EML1: variants seen among roughly 807,000 people sequenced by gnomAD.
EML1 encodes the protein echinoderm microtubule-associated protein-like 1.
A neutral mutation model predicts 110.4 loss-of-function variants in EML1; 27 were observed. The ratio of observed to expected loss-of-function variants is 0.24; its 90% CI spans 0.18 to 0.34. The LOEUF is 0.34. EML1 is among the 10% of genes least tolerant of loss of function. EML1 has a pLI of 1.00. For missense variants in EML1, 741 were observed against 1,030.9 expected, an observed-to-expected ratio of 0.72 and a Z score of 3.85; for synonymous variants, 344 against 385.8, an observed-to-expected ratio of 0.89 and a Z score of 1.27.
chr14:99,886,836 G>A (rs1427488437), intron 4 of EML1, among the ~76,000 whole-genome samples: 3 of 152,208 alleles, frequency 2.0e-5, no homozygotes, highest in East Asian at 1.9e-4. Flanking sequence ...TGGACACGTC[G>A]TCCACTGGAC....
intron 1 of EML1, among the ~76,000 whole-genome samples, chr14:99,746,317 T>G (rs1477977084): frequency 6.6e-6 from 1 of 152,034 alleles, no homozygotes; most frequent in Non-Finnish European, 1.5e-5. Context: ...GGCGGTGGCT[T>G]GGGGGAAGGG....
chr14:99,883,101 T>C (rs911914), intron 4 of EML1: 136,770 of 152,352 alleles, frequency 0.9, 61,434 homozygotes, highest in East Asian at 0.99. Flanking sequence ...GCTGGGGCTC[T>C]GGGCCCTTCA....
chr14:99,757,338 CAAAAAAA>C (rs565061924), intron 1 of EML1, among the ~76,000 whole-genome samples: 1 of 96,336 alleles, frequency 1.0e-5, no homozygotes, highest in Non-Finnish European at 2.3e-5. Flanking sequence ...GACTCCATTT[CAAAAAAA>C]AAAAAAAAAG....
At chr14:99,926,564 C>T (rs1470412627) in intron 17 of EML1, among the ~76,000 whole-genome samples, 1 of 151,834 alleles carries the variant, frequency 6.6e-6, no homozygotes, top group African/African-American at 2.4e-5. Flanking sequence ...CGATTATAGG[C>T]ATAAGCCACT....
intron 16 of EML1, among the ~76,000 whole-genome samples, chr14:99,919,493 A>G (rs2060095240): frequency 6.6e-6 from 1 of 151,062 alleles, no homozygotes; most frequent in South Asian, 2.1e-4. Context: ...TCTTTGAGAC[A>G]GGTAAACCTT....
chr14:99,818,938 A>G (rs2058215571), intron 1 of EML1, among the ~76,000 whole-genome samples: 1 of 152,120 alleles, frequency 6.6e-6, no homozygotes. Flanking sequence ...TGCTTTTCAA[A>G]TTAATTTAAT....
At chr14:99,881,181 G>C (rs1221942407) in intron 4 of EML1, among the ~76,000 whole-genome samples, 1 of 152,224 alleles carries the variant, frequency 6.6e-6, no homozygotes, top group East Asian at 1.9e-4. Context: ...AGGAAGGCTA[G>C]TTAGGGTGCA....
chr14:99,940,119 C>T lies in EML1; in HGVS notation c.*7C>T. The T allele has an allele frequency of 6.4e-7, 1 of 1,560,876 alleles. No individual in the cohort carries two copies. Among genetic ancestry groups the T allele is most frequent in the Non-Finnish European group, 8.7e-7 (1 of 1,154,560 alleles). The stretch of plus-strand genomic sequence containing the variant: ...GCAGTGGCGCGTCATTTAGTACCCA[C>T]CGAGAGCTGTGGGGAGCAGCATGGG... On this transcript the variant is annotated 3_prime_UTR_variant, in exon 22 of 22. Coordinates refer to ENST00000262233, the MANE Select transcript of EML1 (RefSeq NM_004434.3).
chr14:99,751,724 G>A (rs1351794314), intron 1 of EML1, among the ~76,000 whole-genome samples: 1 of 152,168 alleles, frequency 6.6e-6, no homozygotes, highest in Non-Finnish European at 1.5e-5. Context: ...CAAAGGCCCT[G>A]AGTTGAGAGT....
At chr14:99,935,947 T>A in intron 17 of EML1, 82 bp from the exon 18 acceptor site, 1 of 1,300,160 alleles carries the variant, frequency 7.7e-7, no homozygotes, top group Non-Finnish European at 1.1e-6. Context: ...TCTAAATCTG[T>A]GGTGGCAGCT....
rs555923607 is a variant in EML1, at chr14:99,814,302, G to A, written c.67+20759G>A. Reference sequence around the variant, plus strand: ...TAAATTTTTTTAGGGACCAGATCTCGCTTTGTCACTCAGGCTGGAGTGCAG... The same window carrying A: ...TAAATTTTTTTAGGGACCAGATCTCACTTTGTCACTCAGGCTGGAGTGCAG... On this transcript the variant is annotated intron_variant, in intron 1 of 21. Coordinates refer to ENST00000262233, the MANE Select transcript of EML1 (RefSeq NM_004434.3). Among the ~76,000 whole-genome samples the A allele has an allele frequency of 2.6e-5, 4 of 152,126 alleles. No homozygotes were observed. In the South Asian group the frequency reaches 6.2e-4, roughly 24 times the overall value.
intron 17 of EML1, among the ~76,000 whole-genome samples, chr14:99,931,902 G>C (rs572987806): frequency 3.9e-5 from 6 of 152,190 alleles, no homozygotes; most frequent in Admixed American, 6.5e-5. Context: ...CGCGGTCAAC[G>C]GGAGAGTCAT....
chr14:99,793,317 G>T (rs2057703558), upstream of EML1: 2 of 980,618 alleles, frequency 2.0e-6, no homozygotes, highest in Non-Finnish European at 2.4e-6. Context: ...CTGCGGCGGC[G>T]GCGGCGGGCC....
chr14:99,890,044 A>C (rs1299530065), intron 4 of EML1, among the ~76,000 whole-genome samples: 1 of 152,232 alleles, frequency 6.6e-6, no homozygotes, highest in African/African-American at 2.4e-5. Context: ...GATTAAGGAT[A>C]GTTTTTATTC....
At chr14:99,855,567 T>C (rs1043465511) in intron 2 of EML1, among the ~76,000 whole-genome samples, 3 of 152,222 alleles carry the variant, frequency 2.0e-5, no homozygotes, top group African/African-American at 7.2e-5. Flanking sequence ...CATTGTGCCA[T>C]GTATCTGGGA....
At chr14:99,756,830 C>G (rs934293368) in intron 1 of EML1, among the ~76,000 whole-genome samples, 73 of 152,298 alleles carry the variant, frequency 4.8e-4, no homozygotes, top group African/African-American at 1.6e-3. Context: ...CTCAACCCCC[C>G]TCTCACGTCC....
intron 17 of EML1, 127 bp downstream of exon 17, chr14:99,921,004 G>T: frequency 1.2e-6 from 1 of 811,578 alleles, no homozygotes. Flanking sequence ...TTAACGCACA[G>T]ATCAACCCAT....
At chr14:99,867,246 A>G (rs1011707953) in intron 3 of EML1, among the ~76,000 whole-genome samples, 2 of 152,172 alleles carry the variant, frequency 1.3e-5, no homozygotes, top group African/African-American at 2.4e-5. Flanking sequence ...AGTATGTTTT[A>G]AAATCAGGAA....
At chr14:99,741,509 T>C (rs1471047255) in intron 1 of EML1, among the ~76,000 whole-genome samples, 1 of 152,070 alleles carries the variant, frequency 6.6e-6, no homozygotes, top group African/African-American at 2.4e-5. Context: ...TCTCTCTGCC[T>C]GAAGTCAAGG....
Sources: gnomAD v4.1 joint callset for allele counts (sites outside exome capture counted in the v4.1 genomes callset) on GRCh38, gnomAD v4.1.1 for gene constraint, MANE v1.5 for transcripts, NCBI Gene and HGNC (gene_info 2026-07-23, HGNC 2026-07-21) for gene names.